The following PPP2R2B variants were observed in gnomAD, a reference collection of about 807,000 sequenced individuals.
PPP2R2B encodes protein phosphatase 2 regulatory subunit Bbeta.
Under a neutral mutation model 46.0 loss-of-function variants are expected in PPP2R2B, and 5 were observed. The ratio of observed to expected loss-of-function variants is 0.11; its 90% CI spans 0.06 to 0.23. The LOEUF (loss-of-function observed/expected upper bound fraction) is 0.23, where lower values mean the gene tolerates loss of function less well. PPP2R2B is among the 10% of genes least tolerant of loss of function. PPP2R2B has a pLI of 1.00. For missense variants in PPP2R2B, 367 were observed against 575.0 expected, an observed-to-expected ratio of 0.64 and a Z score of 3.70; for synonymous variants, 215 against 206.7, an observed-to-expected ratio of 1.04 and a Z score of -0.34.
chr5:147,079,284 A>G (rs923898826), intron 2 of PPP2R2B, among the ~76,000 whole-genome samples: 1 of 150,778 alleles, frequency 6.6e-6, no homozygotes, highest in Admixed American at 6.6e-5. Flanking sequence ...TGTTTATTGC[A>G]GCTCTAGTCA....
At chr5:146,640,141 T>C (rs1328105599) in intron 6 of PPP2R2B, among the ~76,000 whole-genome samples, 1 of 152,194 alleles carries the variant, frequency 6.6e-6, no homozygotes, top group Non-Finnish European at 1.5e-5. Flanking sequence ...CATTCCAACA[T>C]GCAATTTGTT....
intron 2 of PPP2R2B, among the ~76,000 whole-genome samples, chr5:146,737,541 G>A (rs1040839057): frequency 2.0e-5 from 3 of 152,152 alleles, no homozygotes; most frequent in African/African-American, 7.2e-5. Flanking sequence ...CAGAAGAGCT[G>A]GGATTTGAAT....
At chr5:146,732,324 G>A (rs1752281722) in intron 2 of PPP2R2B, among the ~76,000 whole-genome samples, 1 of 152,186 alleles carries the variant, frequency 6.6e-6, no homozygotes, top group African/African-American at 2.4e-5. Context: ...AAGTGCTATA[G>A]CACTGATAAA....
chr5:147,033,439 T>C (rs1038843264), intron 1 of PPP2R2B, among the ~76,000 whole-genome samples: 4 of 152,182 alleles, frequency 2.6e-5, no homozygotes, highest in African/African-American at 9.6e-5. Flanking sequence ...CTTGCTACTG[T>C]ATGACCAGTA....
At chr5:146,660,307 T>A (rs1166803803) in intron 5 of PPP2R2B, among the ~76,000 whole-genome samples, 2 of 152,258 alleles carry the variant, frequency 1.3e-5, no homozygotes, top group Non-Finnish European at 2.9e-5. Flanking sequence ...TTTTTCATTT[T>A]AAAAAATATG....
At chr5:146,828,857 T>C (rs925798406) in intron 2 of PPP2R2B, among the ~76,000 whole-genome samples, 8 of 152,182 alleles carry the variant, frequency 5.3e-5, no homozygotes, top group Non-Finnish European at 8.8e-5. Context: ...AACATCCAGA[T>C]GAGTTAACAA....
Position 146,971,355 on chromosome 5 carries a change from T to C in PPP2R2B, c.79+84310A>G, listed in dbSNP as rs141143608. 1.4e-3 allele frequency among the ~76,000 whole-genome samples: 210 copies of C among 152,336 alleles called. 1 individual carries two copies. Among genetic ancestry groups the C allele is most frequent in the African/African-American group, 4.1e-3 (171 of 41,576 alleles). On this transcript the variant is annotated intron_variant, in intron 1 of 8. Coordinates refer to the PPP2R2B transcript ENST00000336640. ...AATGCACACACAAGAAAATATAACA[T>C]GTGTCCCCTTCTCTTTAAATACATG...
intron 2 of PPP2R2B, among the ~76,000 whole-genome samples, chr5:146,830,610 C>T (rs533001053): frequency 2.6e-5 from 4 of 151,834 alleles, no homozygotes; most frequent in East Asian, 3.9e-4. Context: ...CTGCAATCCC[C>T]GACTCCCGGG....
chr5:146,965,063 C>G (rs943017730), intron 1 of PPP2R2B, among the ~76,000 whole-genome samples: 2 of 152,080 alleles, frequency 1.3e-5, no homozygotes, highest in Non-Finnish European at 2.9e-5. Flanking sequence ...TCATGACAAA[C>G]TGTGTGTTTA....
chr5:146,680,044 G>C (rs1220041068), intron 5 of PPP2R2B, among the ~76,000 whole-genome samples: 32 of 149,542 alleles, frequency 2.1e-4, no homozygotes, highest in African/African-American at 7.9e-4. Context: ...CCCATTACTG[G>C]GTATATACCC....
chr5:146,673,485 T>C (rs895675294), intron 5 of PPP2R2B, among the ~76,000 whole-genome samples: 24 of 11,134 alleles, frequency 2.2e-3, no homozygotes, highest in Non-Finnish European at 0.011. Flanking sequence ...TTTAGAAGAT[T>C]TTTTTTTTAT....
intron 2 of PPP2R2B, among the ~76,000 whole-genome samples, chr5:146,873,992 T>A (rs1360218977): frequency 1.3e-5 from 2 of 152,248 alleles, no homozygotes; most frequent in Non-Finnish European, 2.9e-5. Flanking sequence ...GTACCTATTG[T>A]CCCTTCTACC....
At chr5:146,628,352 G>A (rs1437100715) in intron 7 of PPP2R2B, among the ~76,000 whole-genome samples, 2 of 152,224 alleles carry the variant, frequency 1.3e-5, no homozygotes, top group African/African-American at 4.8e-5. Flanking sequence ...ATCCGAAGGA[G>A]GGGATTTCTG....
At chr5:146,770,219 C>T (rs1754758203) in intron 2 of PPP2R2B, among the ~76,000 whole-genome samples, 1 of 149,714 alleles carries the variant, frequency 6.7e-6, no homozygotes, top group Non-Finnish European at 1.5e-5. Flanking sequence ...ATCCTAGATA[C>T]TCGGGAGAGG....
intron 2 of PPP2R2B, among the ~76,000 whole-genome samples, chr5:146,797,191 T>C (rs1010599327): frequency 3.9e-5 from 6 of 152,214 alleles, no homozygotes; most frequent in Admixed American, 3.9e-4. Context: ...GTGACTACAA[T>C]CATGCTTTAG....
At chr5:146,962,587 G>A (rs188721381) in intron 1 of PPP2R2B, among the ~76,000 whole-genome samples, 1 of 151,964 alleles carries the variant, frequency 6.6e-6, no homozygotes, top group African/African-American at 2.4e-5. Context: ...AACCCAGGAG[G>A]CAGAGGTTGC....
chr5:147,034,777 T>C (rs1755957527), intron 1 of PPP2R2B, among the ~76,000 whole-genome samples: 1 of 152,256 alleles, frequency 6.6e-6, no homozygotes, highest in African/African-American at 2.4e-5. Context: ...ACTTTATAGA[T>C]AAGATGTATG....
At chr5:147,015,806 A>T (rs1309999466) in intron 1 of PPP2R2B, among the ~76,000 whole-genome samples, 1 of 150,812 alleles carries the variant, frequency 6.6e-6, no homozygotes, top group African/African-American at 2.4e-5. Flanking sequence ...GAATGCTAAT[A>T]GTTTACTTGC....
intron 8 of PPP2R2B, among the ~76,000 whole-genome samples, chr5:146,593,968 C>T (rs1003952042): frequency 7.9e-5 from 12 of 152,132 alleles, no homozygotes; most frequent in Admixed American, 1.3e-4. Flanking sequence ...GTGATGGGGA[C>T]TGGTCAGATT....
Sources: gnomAD v4.1 joint callset for allele counts (sites outside exome capture counted in the v4.1 genomes callset) on GRCh38, gnomAD v4.1.1 for gene constraint, MANE v1.5 for transcripts, NCBI Gene and HGNC (gene_info 2026-07-23, HGNC 2026-07-21) for gene names.